Variants in SFR1 observed in about 807,000 individuals in gnomAD.
SFR1 encodes SWI5 dependent homologous recombination repair protein 1.
SFR1 carries 24 observed loss-of-function variants against 26.2 expected under a neutral mutation model. That is an observed-to-expected ratio of 0.92 (90% CI 0.66 to 1.29). SFR1 has a LOEUF of 1.29. Among genes scored for constraint, SFR1 ranks in the 50% most tolerant of loss-of-function variants. The pLI, the probability that SFR1 is intolerant of heterozygous loss-of-function variation, is 0.00. For missense variants in SFR1, 276 were observed against 270.2 expected (o/e 1.02, Z -0.15); for synonymous variants, 77 against 96.6 (o/e 0.80, Z 1.19).
chr10:104,120,691 A>G (rs943045388), upstream of SFR1, among the ~76,000 whole-genome samples: 2 of 152,170 alleles, frequency 1.3e-5, no homozygotes, highest in African/African-American at 2.4e-5. Context: ...TAATTCTCCA[A>G]TCCCATATTA....
intron 2 of SFR1, 178 bp downstream of exon 2, chr10:104,123,264 C>T (rs1042446917): frequency 1.9e-6 from 1 of 519,060 alleles, no homozygotes; most frequent in Admixed American, 3.6e-5. Flanking sequence ...CCCACCAGCC[C>T]CCTTCCATAT....
upstream of SFR1, chr10:104,121,936 C>T (rs2086966708): frequency 8.2e-6 from 4 of 489,930 alleles, no homozygotes; most frequent in Non-Finnish European, 1.1e-5. Flanking sequence ...GGGAGAGCCG[C>T]GCGCACCGGT....
upstream of SFR1, among the ~76,000 whole-genome samples, chr10:104,121,403 T>C (rs1325007292): frequency 6.6e-6 from 1 of 152,150 alleles, no homozygotes; most frequent in African/African-American, 2.4e-5. Flanking sequence ...AAGCTAGCGA[T>C]GAGCTCAGCT....
At position 104,123,754 on chromosome 10, in the gene SFR1, G is replaced by A. The variant is rs760361937; in HGVS notation, c.176G>A (p.Arg59Lys). ...CTTAGAGAAAGATTAAGGAAAACAA[G>A]ATTTTCATTTAATTCCTCTTACAAT... ...ATLRERLRKT[R>K]FSFNSSYNVV... Residue 59 changes from arginine to lysine, a missense_variant, in exon 3 of 4, where the codon AGA becomes AAA. Coordinates refer to ENST00000369727, the MANE Select transcript of SFR1 (RefSeq NM_001002759.2). 1 of 1,605,328 alleles carries A rather than the reference G, an allele frequency of 6.2e-7. No individual in the cohort carries two copies. The highest frequency in any genetic ancestry group is 8.5e-7 in the Non-Finnish European group (1 of 1,177,368).
In SFR1 at chr10:104,124,062, C is replaced by T. The variant is rs774046645; in HGVS notation, c.484C>T (p.Gln162Ter). 2.5e-6 allele frequency: 4 copies of T among 1,613,830 alleles called. No homozygotes were observed. In the South Asian group the frequency reaches 4.4e-5, roughly 18 times the overall value. The change falls in exon 3 of 4, where the codon CAG becomes TAG. Residue 162 changes from glutamine to a stop codon, truncating the protein, a stop_gained. Coordinates refer to ENST00000369727, the MANE Select transcript of SFR1 (RefSeq NM_001002759.2). LOFTEE classifies it high-confidence loss of function. The part of the protein sequence containing the change: ...LNAEKAKLVK[Q>*]VQEKEDLLRR... ...CGCTGAAAAAGCCAAATTGGTGAAG[C>T]AGGTTCAGGAGAAAGAAGACCTTCT... is the stretch of plus-strand genomic sequence containing the variant.
Position 104,123,959 on chromosome 10 carries a change from T to A in SFR1, c.381T>A (p.Ser127=), listed in dbSNP as rs751312447. The A allele has an allele frequency of 3.7e-6, 6 of 1,613,892 alleles. No homozygotes were observed. In the Admixed American group the frequency reaches 1.0e-4, roughly 27 times the overall value. ...TGAAGAATCTCAATGTCTGTGAATC[T>A]CAGTCACTTGATTCTGGATCATGCA... The part of the protein sequence containing the change: ...NTLKNLNVCE[S]QSLDSGSCSA... The change falls in exon 3 of 4, where the codon TCT becomes TCA. Residue 127 remains serine, a synonymous_variant. Transcript: ENST00000369727.
chr10:104,124,282 A>G (rs1167248271), intron 3 of SFR1, among the ~76,000 whole-genome samples, 158 bp downstream of exon 3: 1 of 152,162 alleles, frequency 6.6e-6, no homozygotes, highest in Non-Finnish European at 1.5e-5. Context: ...CCAGATTTAG[A>G]GTAGAAAAGG....
chr10:104,121,432 G>C (rs1410007914), upstream of SFR1, among the ~76,000 whole-genome samples: 1 of 152,182 alleles, frequency 6.6e-6, no homozygotes, highest in Non-Finnish European at 1.5e-5. Flanking sequence ...GGGACTCTCG[G>C]ATAGATTTCT....
At chr10:104,122,118 GC>G, upstream of SFR1, 1 of 1,540,456 alleles carries the variant, frequency 6.5e-7, no homozygotes, top group East Asian at 2.5e-5. Context: ...CTACCGCACG[GC>G]CCCGCCCCTG....
rs915717327 is a variant in SFR1 at position 104,126,011 on chromosome 10, C to T, written c.*307C>T. On this transcript the variant is annotated 3_prime_UTR_variant, in exon 4 of 4. Coordinates refer to ENST00000369727, the MANE Select transcript of SFR1 (RefSeq NM_001002759.2). ...GAACTCCTGACCTCAGGTGATCCAC[C>T]GCCTAGGCCTCCCAAAACCATTAGG... is the stretch of plus-strand genomic sequence containing the variant. 2.2e-5 allele frequency: 4 copies of T among 178,798 alleles called. No individual in the cohort carries two copies. Among genetic ancestry groups the T allele is most frequent in the Non-Finnish European group, 2.4e-5 (2 of 84,596 alleles). 11.1% of individuals were successfully genotyped at this position (178,798 alleles called of 1,614,324 possible). A position where few individuals can be genotyped will look rare whatever the true frequency, so the allele number is the denominator to read the frequency against.
At chr10:104,122,273 C>G in intron 1 of SFR1, 77 bp downstream of exon 1, 1 of 1,466,378 alleles carries the variant, frequency 6.8e-7, no homozygotes, top group South Asian at 1.3e-5. Context: ...GAGTTGAGCT[C>G]CCTTTCCGGG....
rs770556823 is a variant in SFR1 at position 104,123,879 on chromosome 10, A to G, written c.301A>G (p.Ser101Gly). ...TEENCLEFQE[S>G]FKHIDSEFEE... ...GGAAAACTGTTTGGAATTTCAAGAA[A>G]GTTTTAAACATATAGACAGTGAATT... Residue 101 changes from serine to glycine, a missense_variant, in exon 3 of 4, where the codon AGT becomes GGT. Coordinates refer to ENST00000369727, the MANE Select transcript of SFR1 (RefSeq NM_001002759.2). The G allele has an allele frequency of 3.7e-6, 6 of 1,613,114 alleles. No homozygotes were observed. Among genetic ancestry groups the G allele is most frequent in the South Asian group, 2.2e-5 (2 of 90,940 alleles).
At chr10:104,124,270 C>A in intron 3 of SFR1, 146 bp downstream of exon 3, 1 of 693,944 alleles carries the variant, frequency 1.4e-6, no homozygotes, top group Non-Finnish European at 2.2e-6. Context: ...TTTAATTCAA[C>A]TCCAGATTTA....
chr10:104,122,574 G>A, intron 1 of SFR1: 1 of 985,388 alleles, frequency 1.0e-6, no homozygotes, highest in Non-Finnish European at 1.2e-6. Context: ...GTGACATTCA[G>A]GTCCTATTGT....
intron 1 of SFR1, 134 bp from the exon 2 acceptor site, chr10:104,122,831 T>A (rs1192001354): frequency 1.3e-6 from 2 of 1,536,566 alleles, no homozygotes; most frequent in East Asian, 4.9e-5. Flanking sequence ...CAAGAATGAA[T>A]TACAAAGTGA....
At chr10:104,122,129 G>A, upstream of SFR1, 2 of 1,546,238 alleles carry the variant, frequency 1.3e-6, no homozygotes, top group Admixed American at 2.0e-5. Context: ...CCCCGCCCCT[G>A]CCACAGGATC....
chr10:104,121,288 A>G (rs1589590936), upstream of SFR1, among the ~76,000 whole-genome samples: 1 of 152,130 alleles, frequency 6.6e-6, no homozygotes, highest in Admixed American at 6.5e-5. Flanking sequence ...AAAAGATTTG[A>G]GGTCACGCTA....
chr10:104,122,550 A>G (rs1253524707), intron 1 of SFR1: 1 of 985,264 alleles, frequency 1.0e-6, no homozygotes, highest in Non-Finnish European at 1.2e-6. Flanking sequence ...CACAGCTTGT[A>G]GAGTTCAGGA....
rs1275673579 is a variant in SFR1 at position 104,125,609 on chromosome 10, A to G, written c.643A>G (p.Lys215Glu). ...ELQSAVSEEN[K>E]KLSLTQLIDH... is the part of the protein sequence containing the mutation. The stretch of plus-strand genomic sequence containing the variant: ...GCAGTCAGCTGTGTCTGAAGAGAAC[A>G]AGAAACTAAGCCTTACTCAATTGAT... The change falls in exon 4 of 4, where the codon AAG becomes GAG. Residue 215 changes from lysine (K) to glutamate (E), a missense_variant. Transcript: ENST00000369727. 1 of 1,613,630 alleles carries G rather than the reference A, an allele frequency of 6.2e-7. No individual in the cohort carries two copies. The highest frequency in any genetic ancestry group is 1.3e-5 in the African/African-American group (1 of 74,908).
Sources: gnomAD v4.1 joint callset for allele counts (sites outside exome capture counted in the v4.1 genomes callset) on GRCh38, gnomAD v4.1.1 for gene constraint, MANE v1.5 for transcripts, NCBI Gene and HGNC (gene_info 2026-07-23, HGNC 2026-07-21) for gene names.